PHF24: variants seen among roughly 807,000 people sequenced by gnomAD.
The protein encoded by PHF24 is PHD finger protein 24.
Under a neutral mutation model 42.6 loss-of-function variants are expected in PHF24, and 25 were observed. The observed-to-expected ratio is 0.59, with a 90% CI of 0.43 to 0.82. The LOEUF is 0.82. Ranked by LOEUF, PHF24 falls within the 40% of genes least tolerant of loss-of-function variation. The probability of loss-of-function intolerance (pLI) is 0.00; values close to 1 mark genes in which losing one functional copy is unlikely to be tolerated. For missense variants in PHF24, 470 were observed against 538.1 expected (o/e 0.87, Z 1.25); for synonymous variants, 185 against 204.8 (o/e 0.90, Z 0.83).
the PHF24 span, among the ~76,000 whole-genome samples, chr9:34,948,375 A>C: frequency 6.6e-6 from 1 of 152,154 alleles, no homozygotes; most frequent in Admixed American, 6.6e-5. Flanking sequence ...ATGTGCAGTA[A>C]TTTCCTAGGC....
chr9:34,873,418 C>T, the PHF24 span, among the ~76,000 whole-genome samples: 1 of 152,048 alleles, frequency 6.6e-6, no homozygotes. Flanking sequence ...CAGCTTTCTA[C>T]ATATGGCTAG....
chr9:34,942,860 G>A, the PHF24 span, among the ~76,000 whole-genome samples: 11 of 151,156 alleles, frequency 7.3e-5, no homozygotes, highest in Admixed American at 2.6e-4. Flanking sequence ...GGGATGGGGG[G>A]CAGGGGGGAG....
At chr9:34,734,641 C>T in the PHF24 span, among the ~76,000 whole-genome samples, 1 of 152,180 alleles carries the variant, frequency 6.6e-6, no homozygotes, top group Admixed American at 6.5e-5. Flanking sequence ...AAAAAATCCT[C>T]TACCTTTGTA....
chr9:34,735,492 A>G, the PHF24 span, among the ~76,000 whole-genome samples: 1 of 151,692 alleles, frequency 6.6e-6, no homozygotes, highest in South Asian at 2.1e-4. Context: ...GCAAGAGAAA[A>G]TCACCGTACT....
the PHF24 span, among the ~76,000 whole-genome samples, chr9:34,700,198 C>T: frequency 3.3e-5 from 5 of 152,082 alleles, no homozygotes; most frequent in Non-Finnish European, 7.4e-5. Flanking sequence ...TTGTAGGCCA[C>T]TGTTATATTC....
At chr9:34,839,846 T>C in the PHF24 span, among the ~76,000 whole-genome samples, 70,263 of 152,022 alleles carry the variant, frequency 0.46, 17,130 homozygotes, top group East Asian at 0.67. Context: ...AGGTCTCAAC[T>C]TTTCAAGAGA....
At chr9:34,817,300 A>G in the PHF24 span, among the ~76,000 whole-genome samples, 3 of 152,164 alleles carry the variant, frequency 2.0e-5, no homozygotes, top group Admixed American at 2.0e-4. Flanking sequence ...GCTGGAGTGT[A>G]GTGGCACAAT....
chr9:34,723,412 T>C, the PHF24 span: 2 of 1,551,736 alleles, frequency 1.3e-6, no homozygotes, highest in Non-Finnish European at 8.7e-7. Context: ...CAGGACGAGA[T>C]TGGGCCTTGG....
At chr9:34,859,280 G>A in the PHF24 span, among the ~76,000 whole-genome samples, 14,079 of 152,064 alleles carry the variant, frequency 0.093, 1,535 homozygotes, top group African/African-American at 0.26. Context: ...TAGGTGACTC[G>A]GAGACCAGTC....
the PHF24 span, chr9:34,690,035 G>A: frequency 3.1e-6 from 5 of 1,612,866 alleles, no homozygotes; most frequent in African/African-American, 1.3e-5. Flanking sequence ...TGGGGTGAGA[G>A]GCCGGAGAGA....
chr9:34,735,604 G>A, the PHF24 span, among the ~76,000 whole-genome samples: 1 of 151,522 alleles, frequency 6.6e-6, no homozygotes, highest in Non-Finnish European at 1.5e-5. Context: ...TTCAAGACCA[G>A]CCTGGCCAAT....
the PHF24 span, among the ~76,000 whole-genome samples, chr9:34,782,539 C>T: frequency 1.3e-5 from 2 of 152,120 alleles, no homozygotes. Context: ...ATCTGCCTTC[C>T]AGTCCAGTGA....
the PHF24 span, among the ~76,000 whole-genome samples, chr9:34,696,192 A>T: frequency 1.3e-5 from 2 of 152,090 alleles, no homozygotes; most frequent in South Asian, 4.2e-4. Flanking sequence ...ATTCCAATAA[A>T]AAAGATAAGG....
chr9:34,856,245 A>G, the PHF24 span, among the ~76,000 whole-genome samples: 13 of 152,070 alleles, frequency 8.5e-5, no homozygotes, highest in Admixed American at 8.5e-4. Flanking sequence ...GAAGTTCATC[A>G]TTACCCACCT....
At chr9:34,904,219 T>C in the PHF24 span, among the ~76,000 whole-genome samples, 1 of 152,202 alleles carries the variant, frequency 6.6e-6, no homozygotes, top group African/African-American at 2.4e-5. Flanking sequence ...CTTTATTTCT[T>C]TCTCTTGTCT....
At chr9:34,670,524 T>A in the PHF24 span, among the ~76,000 whole-genome samples, 1 of 152,164 alleles carries the variant, frequency 6.6e-6, no homozygotes, top group Non-Finnish European at 1.5e-5. Context: ...GAAACTCTTT[T>A]CTCTTTCACA....
chr9:34,972,403 C>T (rs1200428587), exon 3 of PHF24: 3 of 1,613,928 alleles, frequency 1.9e-6, no homozygotes, highest in African/African-American at 1.3e-5. Context: ...GAGCCTCTTC[C>T]CGTGCAGGGT....
chr9:34,701,444 C>T, the PHF24 span, among the ~76,000 whole-genome samples: 4 of 152,180 alleles, frequency 2.6e-5, no homozygotes, highest in East Asian at 7.7e-4. This position sits in a 1 kb window ranked among gnomAD's most constrained non-coding sequence, Gnocchi z 5.8. Context: ...CCTTCCTGGG[C>T]CTGCAGGGGG....
chr9:34,702,226 A>G, the PHF24 span, among the ~76,000 whole-genome samples: 10 of 152,274 alleles, frequency 6.6e-5, no homozygotes, highest in East Asian at 1.9e-3. Flanking sequence ...TTGGTCCTAG[A>G]AAGATGAAGG....
Sources: allele counts gnomAD v4.1 joint callset (sites outside exome capture counted in the v4.1 genomes callset), GRCh38; gene constraint gnomAD v4.1.1; non-coding constraint Gnocchi (gnomAD v3.1); transcripts MANE v1.5; gene names NCBI Gene and HGNC (gene_info 2026-07-23, HGNC 2026-07-21).